PLEKHA5: variants seen among roughly 807,000 people sequenced by gnomAD.
PLEKHA5 encodes the protein pleckstrin homology domain containing A5, also known as pleckstrin homology domain-containing family A member 5.
PLEKHA5 carries 55 observed loss-of-function variants against 181.9 expected under a neutral mutation model. The ratio of observed to expected loss-of-function variants is 0.30; its 90% confidence interval spans 0.24 to 0.38. PLEKHA5 has a LOEUF of 0.38. Ranked by LOEUF, PLEKHA5 falls within the 10% of genes least tolerant of loss-of-function variation. The pLI is 1.00. For missense variants in PLEKHA5, 1,432 were observed against 1,549.5 expected (o/e 0.92, Z 1.27); for synonymous variants, 535 against 529.4 (o/e 1.01, Z -0.15).
intron 3 of PLEKHA5, among the ~76,000 whole-genome samples, chr12:19,158,250 G>A (rs2042216730): frequency 6.6e-6 from 1 of 152,032 alleles, no homozygotes; most frequent in Admixed American, 6.5e-5. Flanking sequence ...CTACTCAGGA[G>A]GCTGAGGTAG....
At chr12:19,370,117 G>A (rs1014450630) in intron 31 of PLEKHA5, among the ~76,000 whole-genome samples, 5 of 152,218 alleles carry the variant, frequency 3.3e-5, no homozygotes, top group African/African-American at 9.6e-5. Flanking sequence ...TTTCCATAGC[G>A]ACCTGAGAAT....
At chr12:19,200,792 T>G (rs1353569291) in intron 3 of PLEKHA5, 7 of 535,040 alleles carry the variant, frequency 1.3e-5, no homozygotes, top group Non-Finnish European at 1.7e-5. Context: ...GATAATTAGA[T>G]AGATAGCTAT....
Position 19,369,765 on chromosome 12 carries a change from G to A in PLEKHA5, c.3827G>A (p.Gly1276Glu), listed in dbSNP as rs775361224. 6 of 1,611,594 alleles carry A rather than the reference G, an allele frequency of 3.7e-6. No homozygotes were observed. The South Asian group carries it at 6.6e-5, about 18-fold the overall frequency. ...VPSTQPQLTE[G>E]SHFMCV ...TCCACTCAGCCGCAGCTCACAGAAG[G>A]ATCACATTTCATGTGTGTGTAGTCT... The change falls in exon 31 of 32, where the codon GGA (glycine) becomes GAA (glutamate). Residue 1276 changes from glycine to glutamate, a missense_variant. Physicochemically the swap from Gly to Glu is moderately conservative, Grantham distance 98 (BLOSUM62 -2). Transcript: ENST00000429027.
intron 3 of PLEKHA5, among the ~76,000 whole-genome samples, chr12:19,181,366 T>C (rs190343253): frequency 6.6e-6 from 1 of 152,352 alleles, no homozygotes; most frequent in Non-Finnish European, 1.5e-5. Flanking sequence ...AGCACAATAA[T>C]TGTATAGCAT....
intron 3 of PLEKHA5, among the ~76,000 whole-genome samples, chr12:19,162,305 T>C (rs2043145045): frequency 6.6e-6 from 1 of 152,136 alleles, no homozygotes; most frequent in South Asian, 2.1e-4. Context: ...CATGTAAACA[T>C]AGAAGGCAGG....
chr12:19,254,148 T>C, intron 4 of PLEKHA5, 125 bp downstream of exon 4: 1 of 676,336 alleles, frequency 1.5e-6, no homozygotes, highest in Non-Finnish European at 2.6e-6. Flanking sequence ...AATAACAGAA[T>C]GCCAGCTGTT....
intron 3 of PLEKHA5, among the ~76,000 whole-genome samples, chr12:19,137,164 T>G (rs887796935): frequency 1.3e-5 from 2 of 152,054 alleles, no homozygotes; most frequent in Non-Finnish European, 2.9e-5. Flanking sequence ...TCCCAAGTAG[T>G]TGAGATTACA....
chr12:19,314,595 T>C (rs1194350622), intron 15 of PLEKHA5, among the ~76,000 whole-genome samples: 2 of 152,162 alleles, frequency 1.3e-5, no homozygotes, highest in Admixed American at 1.3e-4. Context: ...GTTGTGACAG[T>C]GTTGCAATTA....
Position 19,129,851 on chromosome 12 carries a change from T to C in PLEKHA5, c.52T>C (p.Tyr18His), listed in dbSNP as rs911690945. ...EWISLPRSWT[Y>H]GITRGGRVFF... The stretch of plus-strand genomic sequence containing the variant: ...GATCTCCCTGCCCCGGTCCTGGACT[T>C]ACGGGATCACCAGGGGCGGCCGAGT... The change falls in exon 1 of 32, where the codon TAC becomes CAC. Residue 18 changes from tyrosine (Y) to histidine (H), a missense_variant. Physicochemically the swap from Tyr to His is moderately conservative, Grantham distance 83. This residue lies in a region of PLEKHA5 where 289 missense variants were observed against 381.1 expected (regional missense o/e 0.76). Coordinates refer to ENST00000429027, the MANE Select transcript of PLEKHA5 (RefSeq NM_001256470.2). 1 of 1,606,974 alleles carries C rather than the reference T, an allele frequency of 6.2e-7. No homozygotes were observed. Among genetic ancestry groups the C allele is most frequent in the East Asian group, 2.3e-5 (1 of 44,122 alleles).
intron 31 of PLEKHA5, chr12:19,371,355 C>T (rs1263758825): frequency 2.0e-5 from 3 of 152,334 alleles, no homozygotes; most frequent in African/African-American, 7.2e-5. Context: ...GCTTTGGGTA[C>T]AAGTGGTTTT....
intron 20 of PLEKHA5, among the ~76,000 whole-genome samples, chr12:19,335,490 A>C (rs2093347763): frequency 6.7e-6 from 1 of 149,906 alleles, no homozygotes; most frequent in Non-Finnish European, 1.5e-5. Flanking sequence ...ATCTCGGCTC[A>C]CTGCAACCTC....
intron 21 of PLEKHA5, among the ~76,000 whole-genome samples, chr12:19,342,760 G>C (rs998846494): frequency 1.3e-5 from 2 of 152,028 alleles, no homozygotes; most frequent in Non-Finnish European, 2.9e-5. Flanking sequence ...CTGGGCGACA[G>C]AGCAAGACTC....
chr12:19,183,911 C>T (rs2049207909), intron 3 of PLEKHA5, among the ~76,000 whole-genome samples: 1 of 152,044 alleles, frequency 6.6e-6, no homozygotes, highest in African/African-American at 2.4e-5. Context: ...GACAGGGTTT[C>T]ACCATGTTGG....
At chr12:19,143,240 A>G (rs1188589805) in intron 3 of PLEKHA5, among the ~76,000 whole-genome samples, 1 of 152,200 alleles carries the variant, frequency 6.6e-6, no homozygotes, top group Non-Finnish European at 1.5e-5. Context: ...TTATTTTCCT[A>G]CCAACAATGT....
rs1565662187 is a variant in PLEKHA5, at chr12:19,359,526, A to G, written c.3463A>G (p.Asn1155Asp). The G allele has an allele frequency of 2.5e-6, 4 of 1,613,990 alleles. No individual in the cohort carries two copies. In the South Asian group the frequency reaches 4.4e-5, roughly 18 times the overall value. Residue 1155 changes from asparagine (N) to aspartate (D), a missense_variant, in exon 28 of 32, where the codon AAT (asparagine) becomes GAT (aspartate). This residue lies in a region of PLEKHA5 where 1,143 missense variants were observed against 1,168.4 expected (regional missense o/e 0.98). Coordinates refer to ENST00000429027, the MANE Select transcript of PLEKHA5 (RefSeq NM_001256470.2). ...TCAACTAAAAGAAACCGAACCCCAA[A>G]ATGTGGACTTCAGCAAAGAGGTAGC... ...IVQLKETEPQNVDFSKELKKT... is the reference protein window; with the variant it reads ...IVQLKETEPQDVDFSKELKKT...
chr12:19,306,674 G>T (rs1452250664), intron 15 of PLEKHA5: 13 of 1,471,822 alleles, frequency 8.8e-6, no homozygotes, highest in South Asian at 4.6e-5. Context: ...CCGGGCGCTA[G>T]CTCTGAGCAG....
At chr12:19,254,045 A>G in intron 4 of PLEKHA5, 22 bp downstream of exon 4, 2 of 1,383,820 alleles carry the variant, frequency 1.4e-6, no homozygotes, top group Non-Finnish European at 2.0e-6. Flanking sequence ...GTTTCATGGA[A>G]TGCCTGTATT....
rs1245948018 is a variant in PLEKHA5, at chr12:19,168,495, TA to T, written c.227+36055del. Among the ~76,000 whole-genome samples, 13 of 96,248 alleles carry T rather than the reference TA, an allele frequency of 1.4e-4. No homozygotes were observed. In the East Asian group the frequency reaches 1.4e-3, roughly 10 times the overall value. 63.1% of individuals were successfully genotyped at this position (96,248 alleles called of 152,430 possible). On this transcript the variant is annotated intron_variant, in intron 3 of 31. Coordinates refer to ENST00000429027, the MANE Select transcript of PLEKHA5 (RefSeq NM_001256470.2). Reference sequence around the variant, plus strand: ...TTGAAGGCAGTTTATTGCAGTGATTTAAAAAAAAAACAAAAAACAAAAAAAC... The same window carrying T: ...TTGAAGGCAGTTTATTGCAGTGATTTAAAAAAAAACAAAAAACAAAAAAAC...
chr12:19,260,121 T>A (rs1023544389), intron 6 of PLEKHA5, among the ~76,000 whole-genome samples: 2 of 152,170 alleles, frequency 1.3e-5, no homozygotes, highest in Non-Finnish European at 2.9e-5. Flanking sequence ...AAAGTCTCTC[T>A]TTTTTGCATG....
Sources: gnomAD v4.1 joint callset for allele counts (sites outside exome capture counted in the v4.1 genomes callset) on GRCh38, gnomAD v4.1.1 for gene constraint, gnomAD v4.1.1 regional missense constraint, MANE v1.5 for transcripts, NCBI Gene and HGNC (gene_info 2026-07-23, HGNC 2026-07-21) for gene names.